Variants in FTCDNL1 observed in about 807,000 individuals in gnomAD.
The protein encoded by FTCDNL1 is formiminotransferase N-terminal subdomain-containing protein.
A neutral mutation model predicts 5.9 loss-of-function variants in FTCDNL1; 11 were observed. The ratio of observed to expected loss-of-function variants is 1.87; its 90% CI spans 1.18 to 3.10. The LOEUF is 3.10. Ranked by LOEUF, FTCDNL1 falls within the 30% of genes most tolerant of loss-of-function variation. FTCDNL1 has a pLI of 0.00. For missense variants in FTCDNL1, 115 were observed against 65.5 expected (o/e 1.76, Z -2.61); for synonymous variants, 58 against 24.8 (o/e 2.34, Z -3.99).
chr2:199,700,008 C>T, the FTCDNL1 span, among the ~76,000 whole-genome samples: 347 of 37,000 alleles, frequency 9.4e-3, 2 homozygotes, highest in African/African-American at 0.015. Context: ...GATGCCCTCT[C>T]TCACCACTCC....
chr2:199,742,709 T>C, the FTCDNL1 span, among the ~76,000 whole-genome samples: 5 of 152,236 alleles, frequency 3.3e-5, no homozygotes, highest in Admixed American at 1.3e-4. Flanking sequence ...TGAAGTCATT[T>C]GCTCAAGGTT....
chr2:199,697,267 G>A, the FTCDNL1 span, among the ~76,000 whole-genome samples: 14 of 152,024 alleles, frequency 9.2e-5, no homozygotes, highest in South Asian at 6.2e-4. Context: ...GAGGGACTCC[G>A]TCTCAAAAAA....
rs1203316888 is a variant in FTCDNL1 at position 199,811,640 on chromosome 2, T to A, written c.*1065A>T. Among the ~76,000 whole-genome samples, 2 of 152,384 alleles carry A rather than the reference T, an allele frequency of 1.3e-5. No homozygotes were observed. The highest frequency in any genetic ancestry group is 2.9e-5 in the Non-Finnish European group (2 of 68,036). On this transcript the variant is annotated 3_prime_UTR_variant, in exon 5 of 5. Transcript: ENST00000420128. The stretch of plus-strand genomic sequence containing the variant: ...CACTTTCAAAGGAAGTTCCTGCATG[T>A]GGACTTGGGGCTTTCCCCATGACAT...
chr2:199,829,352 T>C (rs1226525483), intron 3 of FTCDNL1, among the ~76,000 whole-genome samples: 1 of 152,214 alleles, frequency 6.6e-6, no homozygotes, highest in Non-Finnish European at 1.5e-5. Context: ...GCTGACCTTA[T>C]TTGCTATAAA....
downstream of FTCDNL1, among the ~76,000 whole-genome samples, chr2:199,808,922 G>C (rs1700872446): frequency 6.6e-6 from 1 of 152,174 alleles, no homozygotes; most frequent in Admixed American, 6.5e-5. Flanking sequence ...ACTGTCTGCT[G>C]TTCCTTCTAT....
chr2:199,786,329 T>C (rs1699648521), intron 3 of FTCDNL1, among the ~76,000 whole-genome samples: 1 of 151,622 alleles, frequency 6.6e-6, no homozygotes, highest in Non-Finnish European at 1.5e-5. Flanking sequence ...GCCCTGTTTA[T>C]ATATATATAT....
In FTCDNL1 at chr2:199,774,483, T is replaced by C. The variant is rs557237220; in HGVS notation, c.212-13648A>G. Reference sequence around the variant, plus strand: ...GGCCAGGACGGGTGGTGGAGGTAATTCCTGAGGGGTACATGTTGTCTTACA... The same window carrying C: ...GGCCAGGACGGGTGGTGGAGGTAATCCCTGAGGGGTACATGTTGTCTTACA... On this transcript the variant is annotated intron_variant, in intron 3 of 3. Coordinates refer to the FTCDNL1 transcript ENST00000416668. Among the ~76,000 whole-genome samples the C allele has an allele frequency of 5.3e-4, 80 of 152,222 alleles. 1 individual carries two copies. In the South Asian group the frequency reaches 0.014, roughly 27 times the overall value.
chr2:199,732,297 C>A, the FTCDNL1 span, among the ~76,000 whole-genome samples: 2 of 152,166 alleles, frequency 1.3e-5, no homozygotes, highest in African/African-American at 4.8e-5. Flanking sequence ...TTTCTATAGA[C>A]CACCTCAAGG....
At chr2:199,841,928 T>C (rs1305914782) in intron 3 of FTCDNL1, among the ~76,000 whole-genome samples, 3 of 152,180 alleles carry the variant, frequency 2.0e-5, no homozygotes, top group Non-Finnish European at 4.4e-5. Flanking sequence ...CCACTGCCTT[T>C]AGCACAAGAT....
chr2:199,745,094 C>T, the FTCDNL1 span, among the ~76,000 whole-genome samples: 2 of 152,244 alleles, frequency 1.3e-5, no homozygotes, highest in African/African-American at 4.8e-5. Context: ...ACATGTCAGT[C>T]TATGGCTTTG....
At chr2:199,807,275 G>T (rs79708036), downstream of FTCDNL1, among the ~76,000 whole-genome samples, 2 of 152,126 alleles carry the variant, frequency 1.3e-5, no homozygotes, top group Non-Finnish European at 2.9e-5. Flanking sequence ...AGGCAGAAGG[G>T]GAACAGAGAA....
chr2:199,680,750 T>C, the FTCDNL1 span, among the ~76,000 whole-genome samples: 10,153 of 152,254 alleles, frequency 0.067, 757 homozygotes, highest in East Asian at 0.26. Context: ...AGATGACGCA[T>C]AGCCTATATG....
intron 3 of FTCDNL1, among the ~76,000 whole-genome samples, chr2:199,762,011 G>A (rs1467037629): frequency 1.3e-5 from 2 of 151,898 alleles, no homozygotes; most frequent in Non-Finnish European, 1.5e-5. Flanking sequence ...AATTGTCTTG[G>A]GCCACACATA....
At chr2:199,744,438 A>ACG in the FTCDNL1 span, among the ~76,000 whole-genome samples, 1 of 149,022 alleles carries the variant, frequency 6.7e-6, no homozygotes, top group Non-Finnish European at 1.5e-5. Flanking sequence ...ACAAACACAC[A>ACG]CACACACAGA....
chr2:199,776,861 A>G (rs887038382), intron 3 of FTCDNL1, among the ~76,000 whole-genome samples: 2 of 151,810 alleles, frequency 1.3e-5, no homozygotes, highest in Admixed American at 6.6e-5. Flanking sequence ...ACACACATAT[A>G]TGTGTCTATG....
chr2:199,806,206 C>G (rs892864014), downstream of FTCDNL1, among the ~76,000 whole-genome samples: 2 of 152,130 alleles, frequency 1.3e-5, no homozygotes, highest in African/African-American at 4.8e-5. Context: ...ATTGTTTTAT[C>G]TATGAAAAAT....
At position 199,817,050 on chromosome 2, in the gene FTCDNL1, G is replaced by A. The variant is rs146905081; in HGVS notation, c.397+2522C>T. Among the ~76,000 whole-genome samples, 824 of 152,226 alleles carry A rather than the reference G, an allele frequency of 5.4e-3. 8 individuals are homozygous for A. Among genetic ancestry groups the A allele is most frequent in the African/African-American group, 0.019 (781 of 41,532 alleles). On this transcript the variant is annotated intron_variant, in intron 4 of 4. Coordinates refer to ENST00000420128, the MANE Select transcript of FTCDNL1 (RefSeq NM_001363886.2). ...CTCTACATTAGATTGCATTTTCTAT[G>A]TCTCTGAAAGTTCTTCTAAAACATC...
the FTCDNL1 span, among the ~76,000 whole-genome samples, chr2:199,722,865 A>G: frequency 0.2 from 30,977 of 151,702 alleles, 3,391 homozygotes; most frequent in Middle Eastern, 0.33. Context: ...ATTCCTGGGT[A>G]TTTTATTCCC....
intron 3 of FTCDNL1, among the ~76,000 whole-genome samples, chr2:199,771,205 G>A (rs1378651362): frequency 2.6e-5 from 4 of 152,166 alleles, no homozygotes; most frequent in Non-Finnish European, 5.9e-5. Context: ...TTGTCACTAC[G>A]AGTCAACTAT....
Sources: gnomAD v4.1 joint callset for allele counts (sites outside exome capture counted in the v4.1 genomes callset) on GRCh38, gnomAD v4.1.1 for gene constraint, MANE v1.5 for transcripts, NCBI Gene and HGNC (gene_info 2026-07-23, HGNC 2026-07-21) for gene names.